Variants in GPR173 observed in about 807,000 individuals in gnomAD.
The protein encoded by GPR173 is G protein-coupled receptor 173.
A neutral mutation model predicts 13.9 loss-of-function variants in GPR173; 2 were observed. That is an observed-to-expected ratio of 0.14 (90% CI 0.06 to 0.45). The LOEUF (loss-of-function observed/expected upper bound fraction) is 0.45, where lower values mean the gene tolerates loss of function less well. Among genes scored for constraint, GPR173 ranks in the 20% least tolerant of loss-of-function variants. The probability of loss-of-function intolerance (pLI) is 0.98; values close to 1 mark genes in which losing one functional copy is unlikely to be tolerated. For missense variants in GPR173, 202 were observed against 340.5 expected, an observed-to-expected ratio of 0.59 and a Z score of 3.20; for synonymous variants, 131 against 141.0, an observed-to-expected ratio of 0.93 and a Z score of 0.50.
intron 1 of GPR173, among the ~76,000 whole-genome samples, chrX:53,057,671 T>G (rs1027166268): frequency 4.6e-5 from 5 of 109,027 alleles, no homozygotes; most frequent in Non-Finnish European, 9.5e-5. Flanking sequence ...GGAGTGTCAC[T>G]TGAACCCGGG....
At chrX:53,063,836 C>G (rs1406491090) in intron 1 of GPR173, among the ~76,000 whole-genome samples, 1 of 111,596 alleles carries the variant, frequency 9.0e-6, no homozygotes, top group Non-Finnish European at 1.9e-5. Flanking sequence ...TTTCTCATTT[C>G]CATCGGAGAC....
intron 1 of GPR173, among the ~76,000 whole-genome samples, chrX:53,076,102 T>G (rs1556805761): frequency 9.0e-6 from 1 of 111,058 alleles, no homozygotes. Flanking sequence ...AAATGCAGCA[T>G]CCTCACCTGA....
chrX:53,065,307 G>A (rs1556804122), intron 1 of GPR173: 2 of 111,961 alleles, frequency 1.8e-5, no homozygotes, highest in Admixed American at 1.9e-4. Flanking sequence ...TAATTAGCTT[G>A]AATGTATGAA....
chrX:53,059,973 G>A (rs1419047717), intron 1 of GPR173, among the ~76,000 whole-genome samples: 70 of 105,164 alleles, frequency 6.7e-4, no homozygotes, highest in Middle Eastern at 4.9e-3. Flanking sequence ...GGGCGACAGA[G>A]CGAGACCCTG....
rs369817174 is a variant in GPR173 at position 53,077,185 on chromosome X, C to T, written c.564C>T (p.Gly188=). ...ACTTCAAGGCCAATGACACGCTGGG[C>T]TTCATGCTTATGTTGGCTGTGCTCA... The part of the protein sequence containing the change: ...HRYFKANDTL[G]FMLMLAVLMA... Residue 188 remains glycine (G), a synonymous_variant, in exon 2 of 2, where the codon GGC becomes GGT. Coordinates refer to ENST00000332582, the MANE Select transcript of GPR173 (RefSeq NM_018969.6). The T allele has an allele frequency of 8.3e-7, 1 of 1,203,483 alleles. No individual in the cohort carries two copies. Among genetic ancestry groups the T allele is most frequent in the African/African-American group, 1.7e-5 (1 of 57,528 alleles).
In GPR173 at chrX:53,077,836, T is replaced by A. The variant is rs1932463764; in HGVS notation, c.*93T>A. ...GGGGTAGGGGCCCATACAGGAGTCC[T>A]CCTTTCTGAGCTCCAGCCCCAGCCC... On this transcript the variant is annotated 3_prime_UTR_variant, in exon 2 of 2. Transcript: ENST00000332582. 2.8e-6 allele frequency: 2 copies of A among 722,590 alleles called. No individual in the cohort carries two copies. Among genetic ancestry groups the A allele is most frequent in the Non-Finnish European group, 4.1e-6 (2 of 489,427 alleles). 59.5% of individuals were successfully genotyped at this position (722,590 alleles called of 1,213,427 possible).
intron 1 of GPR173, among the ~76,000 whole-genome samples, chrX:53,061,021 C>T (rs918542022): frequency 9.3e-6 from 1 of 107,279 alleles, no homozygotes; most frequent in Non-Finnish European, 1.9e-5. Context: ...GAGATCGAGA[C>T]CATCCTGGCT....
chrX:53,050,374 A>AC (rs1396623488), intron 1 of GPR173, among the ~76,000 whole-genome samples: 2 of 111,212 alleles, frequency 1.8e-5, no homozygotes, highest in Non-Finnish European at 3.8e-5. Flanking sequence ...TGTGTCTGAG[A>AC]CCCCCCGGAT....
At chrX:53,074,758 T>C (rs1486497553) in intron 1 of GPR173, among the ~76,000 whole-genome samples, 2 of 95,077 alleles carry the variant, frequency 2.1e-5, no homozygotes, top group Admixed American at 1.3e-4. Flanking sequence ...TATATATAAA[T>C]ATATATAATT....
intron 1 of GPR173, among the ~76,000 whole-genome samples, chrX:53,074,905 T>G (rs1932405228): frequency 9.7e-6 from 1 of 103,315 alleles, no homozygotes; most frequent in Non-Finnish European, 2.0e-5. Context: ...TGCAGGGGCC[T>G]CTGAGTAGTC....
intron 1 of GPR173, among the ~76,000 whole-genome samples, chrX:53,074,662 TTA>T (rs1257202247): frequency 1.3e-5 from 1 of 79,319 alleles, no homozygotes; most frequent in African/African-American, 5.8e-5. Flanking sequence ...AAATATAGAT[TTA>T]TATATATTTA....
Position 53,077,157 on chromosome X carries a change from G to A in GPR173, c.536G>A (p.Arg179His), listed in dbSNP as rs1220346023. ...GAGGACCAGTGCATCTTTGAGCATC[G>A]CTACTTCAAGGCCAATGACACGCTG... Reference protein sequence around the residue: ...REEDQCIFEHRYFKANDTLGF... With the variant: ...REEDQCIFEHHYFKANDTLGF... The change falls in exon 2 of 2, where the codon CGC (arginine) becomes CAC (histidine). Residue 179 changes from arginine (R) to histidine (H), a missense_variant. Around this residue, in one of 3 missense-constraint regions of GPR173, gnomAD observed 28 missense variants for 87.0 expected, o/e 0.32. Transcript: ENST00000332582. The A allele has an allele frequency of 1.7e-6, 2 of 1,206,437 alleles. No individual in the cohort carries two copies. The highest frequency in any genetic ancestry group is 2.2e-6 in the Non-Finnish European group (2 of 892,147).
In GPR173 at chrX:53,049,409, C is replaced by T. The variant is rs1931922188; in HGVS notation, c.-173C>T. On this transcript the variant is annotated 5_prime_UTR_variant, in exon 1 of 2. Transcript: ENST00000332582. ...TCACTGAGGGTCCCACAATGTGGCC[C>T]GGGCTGTGATTTACCTGGGTGAGAC... The T allele has an allele frequency of 8.9e-6, 1 of 111,848 alleles. No homozygotes were observed. Among genetic ancestry groups the T allele is most frequent in the African/African-American group, 3.3e-5 (1 of 30,693 alleles). 9.2% of individuals were successfully genotyped at this position (111,848 alleles called of 1,213,427 possible).
chrX:53,069,398 C>T (rs782178271), intron 1 of GPR173, among the ~76,000 whole-genome samples: 7 of 111,825 alleles, frequency 6.3e-5, no homozygotes, highest in South Asian at 3.6e-4. Context: ...AATGTTTCAA[C>T]GGGAAGTGAT....
rs1932469550 is a variant in GPR173, at chrX:53,078,032, C to T, written c.*289C>T. The T allele has an allele frequency of 3.0e-6, 1 of 329,712 alleles. No homozygotes were observed. Among genetic ancestry groups the T allele is most frequent in the Non-Finnish European group, 5.5e-6 (1 of 182,840 alleles). The allele number at this position is 329,712 out of a possible 1,213,427, so 27.2% of individuals were successfully genotyped here. A position where few individuals can be genotyped will look rare whatever the true frequency, so the allele number is the denominator to read the frequency against. On this transcript the variant is annotated 3_prime_UTR_variant, in exon 2 of 2. Coordinates refer to ENST00000332582, the MANE Select transcript of GPR173 (RefSeq NM_018969.6). ...TCTCTCTCTCTGTCTCTCTCTCTCT[C>T]TCTCTCTCTCTCTCAGAAGTGACAA... is the stretch of plus-strand genomic sequence containing the variant.
At chrX:53,074,418 A>T (rs1165855161) in intron 1 of GPR173, among the ~76,000 whole-genome samples, 1 of 39,643 alleles carries the variant, frequency 2.5e-5, no homozygotes, top group African/African-American at 1.0e-4. Flanking sequence ...ATTTATATAT[A>T]AATAACTATA....
chrX:53,073,082 G>C (rs1314263455), intron 1 of GPR173, among the ~76,000 whole-genome samples: 1 of 110,622 alleles, frequency 9.0e-6, no homozygotes, highest in Non-Finnish European at 1.9e-5. Flanking sequence ...AATTAGCCGG[G>C]TGTGGTGGTG....
At chrX:53,051,537 G>T (rs1931956236) in intron 1 of GPR173, among the ~76,000 whole-genome samples, 1 of 110,394 alleles carries the variant, frequency 9.1e-6, no homozygotes, top group Non-Finnish European at 1.9e-5. Context: ...GCCGTGTGAT[G>T]GCATGTGTGT....
intron 1 of GPR173, among the ~76,000 whole-genome samples, chrX:53,069,631 T>C (rs1017537939): frequency 1.1e-4 from 12 of 112,647 alleles, no homozygotes; most frequent in Non-Finnish European, 1.9e-4. Context: ...AGCAAGTTTA[T>C]ATGTGTACAC....
Sources: gnomAD v4.1 joint callset for allele counts (sites outside exome capture counted in the v4.1 genomes callset) on GRCh38, gnomAD v4.1.1 for gene constraint, gnomAD v4.1.1 regional missense constraint, MANE v1.5 for transcripts, NCBI Gene and HGNC (gene_info 2026-07-23, HGNC 2026-07-21) for gene names.